The following TMEM74 variants were observed in gnomAD, a reference collection of about 807,000 sequenced individuals.
TMEM74 encodes the protein transmembrane protein 74.
A neutral mutation model predicts 18.1 loss-of-function variants in TMEM74; 13 were observed. The observed-to-expected ratio is 0.72, with a 90% confidence interval of 0.47 to 1.14. The LOEUF (loss-of-function observed/expected upper bound fraction) is 1.14. Among genes scored for constraint, TMEM74 ranks in the 50% most tolerant of loss-of-function variants. The pLI is 0.00. For missense variants in TMEM74, 372 were observed against 375.9 expected, an observed-to-expected ratio of 0.99 and a Z score of 0.09; for synonymous variants, 159 against 146.6, an observed-to-expected ratio of 1.08 and a Z score of -0.61.
At chr8:108,666,534 G>A (rs1340807044) in intron 1 of TMEM74, among the ~76,000 whole-genome samples, 1 of 152,148 alleles carries the variant, frequency 6.6e-6, no homozygotes, top group Non-Finnish European at 1.5e-5. Context: ...ACAAAGGAGT[G>A]GATGTAACGG....
At chr8:108,652,700 C>A in intron 2 of TMEM74, 1 of 553,386 alleles carries the variant, frequency 1.8e-6, no homozygotes, top group Non-Finnish European at 3.4e-6. Context: ...CCTAACACAG[C>A]AAATATTTTC....
At chr8:108,716,116 C>CA (rs112245854) in intron 1 of TMEM74, among the ~76,000 whole-genome samples, 1 of 151,940 alleles carries the variant, frequency 6.6e-6, no homozygotes, top group Non-Finnish European at 1.5e-5. Context: ...TAGCTTTTGA[C>CA]AAAAAACTGC....
chr8:108,777,432 C>T (rs1563549126), downstream of TMEM74, among the ~76,000 whole-genome samples: 4 of 152,110 alleles, frequency 2.6e-5, no homozygotes, highest in South Asian at 6.2e-4. Flanking sequence ...TTACTTGAGT[C>T]TCATTAGGGG....
At chr8:108,751,747 CCTAGA>C (rs1354005447) in intron 1 of TMEM74, among the ~76,000 whole-genome samples, 5 of 152,068 alleles carry the variant, frequency 3.3e-5, no homozygotes, top group Non-Finnish European at 7.4e-5. Flanking sequence ...AACAAACCTA[CCTAGA>C]CTAAAGGGAA....
At chr8:108,639,662 A>G (rs1261814198) in intron 2 of TMEM74, among the ~76,000 whole-genome samples, 1 of 152,180 alleles carries the variant, frequency 6.6e-6, no homozygotes, top group African/African-American at 2.4e-5. Flanking sequence ...CTTATGCTAT[A>G]GGATGTTTAT....
intron 2 of TMEM74, among the ~76,000 whole-genome samples, chr8:108,621,783 GT>G (rs1812442829): frequency 6.6e-6 from 1 of 152,054 alleles, no homozygotes; most frequent in Non-Finnish European, 1.5e-5. Context: ...CTTAGTGCTT[GT>G]CACCCCATCT....
At chr8:108,619,423 T>C (rs1265648253) in intron 2 of TMEM74, among the ~76,000 whole-genome samples, 1 of 152,184 alleles carries the variant, frequency 6.6e-6, no homozygotes, top group Admixed American at 6.5e-5. Flanking sequence ...TGTGACTCTG[T>C]GAGAGGGCTG....
At chr8:108,743,482 A>G (rs907618580) in intron 1 of TMEM74, among the ~76,000 whole-genome samples, 8 of 152,208 alleles carry the variant, frequency 5.3e-5, no homozygotes, top group Non-Finnish European at 1.2e-4. Flanking sequence ...AAAAAATAGC[A>G]TCACTTTAAA....
At chr8:108,610,699 T>C (rs1411807670) in intron 2 of TMEM74, among the ~76,000 whole-genome samples, 1 of 152,072 alleles carries the variant, frequency 6.6e-6, no homozygotes, top group East Asian at 1.9e-4. Flanking sequence ...TAGAAGTGTG[T>C]CTGGGTTAGC....
intron 1 of TMEM74, among the ~76,000 whole-genome samples, chr8:108,723,378 C>T (rs1813604434): frequency 6.6e-6 from 1 of 151,966 alleles, no homozygotes; most frequent in Non-Finnish European, 1.5e-5. Context: ...ATTCACATAC[C>T]AGAGTAACCT....
Position 108,699,179 on chromosome 8 carries a change from TCCTTCCTC to T in TMEM74, n.120-43750_120-43743del, listed in dbSNP as rs1256373118. ...TTCCTTCCTTCCTTCCTTCCTTCCTTCCTTCCTCCCTCCCTCCCTCCCTCCCTCCCTCT... is the reference window on the plus strand; with the variant it reads ...TTCCTTCCTTCCTTCCTTCCTTCCTTCCTCCCTCCCTCCCTCCCTCCCTCT... On this transcript the variant is annotated intron_variant and non_coding_transcript_variant, in intron 1 of 3. Coordinates refer to the TMEM74 transcript ENST00000518838. 1.6e-3 allele frequency among the ~76,000 whole-genome samples: 119 copies of T among 74,192 alleles called. 2 individuals are homozygous for T. Among genetic ancestry groups the T allele is most frequent in the African/African-American group, 6.7e-3 (105 of 15,734 alleles). 48.7% of individuals were successfully genotyped at this position (74,192 alleles called of 152,430 possible).
intron 1 of TMEM74, among the ~76,000 whole-genome samples, chr8:108,691,055 C>A (rs1046822668): frequency 6.6e-6 from 1 of 152,146 alleles, no homozygotes; most frequent in Non-Finnish European, 1.5e-5. Flanking sequence ...TGGTCTAGAG[C>A]TACTGCTTTA....
intron 1 of TMEM74, among the ~76,000 whole-genome samples, chr8:108,765,377 C>A (rs1324767939): frequency 3.4e-5 from 5 of 149,228 alleles, no homozygotes; most frequent in Admixed American, 6.7e-5. Context: ...GGCAACACAA[C>A]CTAACTAAGG....
intron 1 of TMEM74, among the ~76,000 whole-genome samples, chr8:108,755,938 T>TG (rs1178031545): frequency 6.7e-6 from 1 of 150,306 alleles, no homozygotes; most frequent in African/African-American, 2.4e-5. Flanking sequence ...AATATAGGAA[T>TG]GGGGGGAATG....
intron 1 of TMEM74, among the ~76,000 whole-genome samples, chr8:108,753,872 C>T (rs1438334900): frequency 6.6e-6 from 1 of 151,996 alleles, no homozygotes; most frequent in Non-Finnish European, 1.5e-5. Context: ...TTTGTATCTA[C>T]TTTACCCCTT....
chr8:108,665,260 C>G (rs1004099081), intron 1 of TMEM74, among the ~76,000 whole-genome samples: 15 of 152,088 alleles, frequency 9.9e-5, no homozygotes, highest in African/African-American at 3.6e-4. Context: ...ATATAACAGA[C>G]AGTAACTGGT....
chr8:108,618,167 A>G (rs1196568909), intron 2 of TMEM74, among the ~76,000 whole-genome samples: 4 of 152,094 alleles, frequency 2.6e-5, no homozygotes, highest in African/African-American at 9.7e-5. Context: ...GATATACTCC[A>G]TGATTCTTTT....
At chr8:108,727,133 G>A (rs1813646701) in intron 1 of TMEM74, among the ~76,000 whole-genome samples, 1 of 152,158 alleles carries the variant, frequency 6.6e-6, no homozygotes, top group Non-Finnish European at 1.5e-5. Context: ...GATAGGAGAG[G>A]AGAGAGGATA....
chr8:108,622,327 C>G (rs1210257752), intron 2 of TMEM74, among the ~76,000 whole-genome samples: 1 of 152,082 alleles, frequency 6.6e-6, no homozygotes. Flanking sequence ...GTTGTCAGCT[C>G]AGTTCCTCAG....
Sources: allele counts gnomAD v4.1 joint callset (sites outside exome capture counted in the v4.1 genomes callset), GRCh38; gene constraint gnomAD v4.1.1; transcripts MANE v1.5; gene names NCBI Gene and HGNC (gene_info 2026-07-23, HGNC 2026-07-21).